The following RCBTB1 variants were observed in gnomAD, a reference collection of about 807,000 sequenced individuals.
RCBTB1 encodes RCC1 and BTB domain containing protein 1, also known as RCC1 and BTB domain-containing protein 1.
A neutral mutation model predicts 62.4 loss-of-function variants in RCBTB1; 46 were observed. The observed-to-expected ratio is 0.74, with a 90% confidence interval of 0.58 to 0.94. The LOEUF (loss-of-function observed/expected upper bound fraction) is 0.94. RCBTB1 is among the 40% of genes least tolerant of loss of function. RCBTB1 has a pLI of 0.00. For synonymous variants in RCBTB1, 222 were observed against 245.8 expected, an observed-to-expected ratio of 0.90 and a Z score of 0.91; for missense variants, 565 against 654.9, an observed-to-expected ratio of 0.86 and a Z score of 1.50.
intron 7 of RCBTB1, 109 bp downstream of exon 7, chr13:49,552,069 C>A: frequency 1.4e-6 from 1 of 738,808 alleles, no homozygotes; most frequent in Non-Finnish European, 2.4e-6. Context: ...GATGAAGGCA[C>A]AGAGTATTGC....
chr13:49,546,509 A>G (rs74421029), intron 9 of RCBTB1: 4,019 of 168,218 alleles, frequency 0.024, 74 homozygotes, highest in South Asian at 0.083. Context: ...TGTGCACTTA[A>G]TTTTTATTAT....
At chr13:49,534,388 A>G in intron 12 of RCBTB1, 126 bp from the exon 13 acceptor site, 1 of 986,808 alleles carries the variant, frequency 1.0e-6, no homozygotes, top group Non-Finnish European at 1.5e-6. Flanking sequence ...GAGAGGCCAG[A>G]TACCTAAAAC....
At chr13:49,548,878 G>GCCGGGCGCA (rs1243062549) in intron 9 of RCBTB1, among the ~76,000 whole-genome samples, 1 of 135,038 alleles carries the variant, frequency 7.4e-6, no homozygotes, top group African/African-American at 3.3e-5. Context: ...TGACATAAAG[G>GCCGGGCGCA]GTGGATGTAG....
chr13:49,560,650 C>A (rs938650836), intron 4 of RCBTB1, among the ~76,000 whole-genome samples: 2 of 150,534 alleles, frequency 1.3e-5, no homozygotes, highest in East Asian at 3.9e-4. Context: ...CATTTTTTTA[C>A]GCTCATTTAT....
chr13:49,547,756 A>G (rs1490258278), intron 9 of RCBTB1, among the ~76,000 whole-genome samples: 3 of 152,178 alleles, frequency 2.0e-5, no homozygotes, highest in Admixed American at 6.5e-5. Context: ...AAGAAAGAAG[A>G]TGGGGTTAAT....
chr13:49,565,780 G>A (rs561373040), intron 4 of RCBTB1, among the ~76,000 whole-genome samples: 24 of 152,230 alleles, frequency 1.6e-4, no homozygotes, highest in Admixed American at 2.6e-4. Context: ...ACAGCTCATT[G>A]AGAACAGGCC....
chr13:49,541,024 G>A lies in RCBTB1; in HGVS notation c.1325-18C>T. ...CAGAAGACCTAAAAGTAAAATATGT[G>A]AAAGGTTTAATCAAATGTATAATAA... On this transcript the variant is annotated intron_variant, in intron 11 of 12. Transcript: ENST00000378302. 6.2e-7 allele frequency: 1 copy of A among 1,605,632 alleles called. No individual in the cohort carries two copies. Among genetic ancestry groups the A allele is most frequent in the Middle Eastern group, 1.7e-4 (1 of 6,056 alleles).
chr13:49,551,393 CAT>C lies in RCBTB1; in HGVS notation c.785_786del (p.Tyr262TrpfsTer8). On this transcript the variant is annotated frameshift_variant, in exon 8 of 13. Transcript: ENST00000378302. LOFTEE classifies it high-confidence loss of function. ...GLLYAWGANT[Y>X]GQLGTGNKNN... Reference sequence around the variant, plus strand: ...TTTTTATTGCCAGTTCCCAGCTGCCCATATGTGTTAGCTCCCCAGGCATACAG... The same window carrying C: ...TTTTTATTGCCAGTTCCCAGCTGCCCATGTGTTAGCTCCCCAGGCATACAG... The C allele has an allele frequency of 6.2e-7, 1 of 1,614,210 alleles. No homozygotes were observed. Among genetic ancestry groups the C allele is most frequent in the Non-Finnish European group, 8.5e-7 (1 of 1,180,044 alleles).
intron 2 of RCBTB1, among the ~76,000 whole-genome samples, chr13:49,570,376 CAA>C (rs963238204): frequency 1.3e-5 from 2 of 152,172 alleles, no homozygotes; most frequent in Non-Finnish European, 2.9e-5. Flanking sequence ...GGTATTTCTC[CAA>C]AGACTTGTCA....
chr13:49,555,649 A>T lies in RCBTB1; in HGVS notation c.469T>A (p.Cys157Ser), dbSNP rs368791716. The T allele has an allele frequency of 1.9e-6, 3 of 1,606,402 alleles. No individual in the cohort carries two copies. Among genetic ancestry groups the T allele is most frequent in the Non-Finnish European group, 2.6e-6 (3 of 1,176,154 alleles). The change falls in exon 6 of 13, where the codon TGT becomes AGT. Residue 157 changes from cysteine (C) to serine (S), a missense_variant. Cys to Ser is a moderately radical substitution (Grantham distance 112). Transcript: ENST00000378302. ...GEVFAWGYNN[C>S]GQVGSGSTAN... ...GTAGAACCTGATCCCACTTGGCCAC[A>T]GTTGTTATAACCCCAAGCAAACACC...
At chr13:49,541,535 T>C in intron 11 of RCBTB1, 141 bp downstream of exon 11, 1 of 747,758 alleles carries the variant, frequency 1.3e-6, no homozygotes, top group Non-Finnish European at 2.0e-6. Context: ...CAATACTACT[T>C]TTAAAGATAC....
rs1319588217 is a variant in RCBTB1 at position 49,533,708 on chromosome 13, T to A, written c.*414A>T. The A allele has an allele frequency of 6.5e-6, 1 of 154,128 alleles. No individual in the cohort carries two copies. Among genetic ancestry groups the A allele is most frequent in the African/African-American group, 2.4e-5 (1 of 41,474 alleles). The allele number at this position is 154,128 out of a possible 1,614,324, so 9.5% of individuals were successfully genotyped here. ...CATCTTTAATTCACGATGGGGCCTC[T>A]CCATTCATCTCACAATTCCCCAACT... On this transcript the variant is annotated 3_prime_UTR_variant, in exon 13 of 13. Coordinates refer to ENST00000378302, the MANE Select transcript of RCBTB1 (RefSeq NM_018191.4).
intron 2 of RCBTB1, 145 bp from the exon 3 acceptor site, chr13:49,567,465 C>A (rs142805271): frequency 3.3e-6 from 2 of 610,956 alleles, no homozygotes; most frequent in Admixed American, 3.0e-5. Flanking sequence ...CACTTTCCCC[C>A]AGCCATGTGT....
At chr13:49,579,568 G>A (rs1380164678) in intron 2 of RCBTB1, among the ~76,000 whole-genome samples, 1 of 151,326 alleles carries the variant, frequency 6.6e-6, no homozygotes, top group Non-Finnish European at 1.5e-5. Context: ...AGCTTGCAGT[G>A]AACCGAGATG....
At chr13:49,540,447 T>C (rs886769596) in intron 12 of RCBTB1, among the ~76,000 whole-genome samples, 5 of 152,164 alleles carry the variant, frequency 3.3e-5, no homozygotes, top group African/African-American at 7.2e-5. Flanking sequence ...TAGACACTAA[T>C]AGAATTGCAG....
chr13:49,557,204 CAG>C (rs1205870141), intron 5 of RCBTB1, among the ~76,000 whole-genome samples: 1 of 152,100 alleles, frequency 6.6e-6, no homozygotes, highest in African/African-American at 2.4e-5. Context: ...TGTTAGAAAC[CAG>C]AGAGGACAGC....
chr13:49,555,810 C>G, intron 5 of RCBTB1, 137 bp from the exon 6 acceptor site: 1 of 656,094 alleles, frequency 1.5e-6, no homozygotes, highest in South Asian at 2.2e-5. Context: ...ATGCTTTACA[C>G]ACATTAACCT....
chr13:49,574,745 C>T (rs1189888913), intron 2 of RCBTB1, among the ~76,000 whole-genome samples: 1 of 150,776 alleles, frequency 6.6e-6, no homozygotes, highest in African/African-American at 2.4e-5. Context: ...TAGCATATAC[C>T]CCAAAGAACT....
At chr13:49,570,194 C>T (rs1392475361) in intron 2 of RCBTB1, among the ~76,000 whole-genome samples, 2 of 152,320 alleles carry the variant, frequency 1.3e-5, no homozygotes, top group Non-Finnish European at 2.9e-5. Context: ...CAAAACCACA[C>T]AACTTCCTGA....
Sources: allele counts gnomAD v4.1 joint callset (sites outside exome capture counted in the v4.1 genomes callset), GRCh38; gene constraint gnomAD v4.1.1; transcripts MANE v1.5; gene names NCBI Gene and HGNC (gene_info 2026-07-23, HGNC 2026-07-21).